The following SPATA9 variants were observed in gnomAD, a reference collection of about 807,000 sequenced individuals.
The protein encoded by SPATA9 is spermatogenesis associated 9.
In SPATA9, 27 loss-of-function variants were observed where a neutral mutation model predicts 25.5. The observed-to-expected ratio is 1.06, with a 90% CI of 0.78 to 1.46. The LOEUF (loss-of-function observed/expected upper bound fraction) is 1.46, where lower values mean the gene tolerates loss of function less well. SPATA9 is among the 40% of genes most tolerant of loss of function. The probability of loss-of-function intolerance (pLI) is 0.00; values close to 1 mark genes in which losing one functional copy is unlikely to be tolerated. For synonymous variants in SPATA9, 102 were observed against 105.7 expected (o/e 0.97, Z 0.21); for missense variants, 282 against 297.5 (o/e 0.95, Z 0.38).
downstream of SPATA9, chr5:95,655,809 T>G (rs1257141219): frequency 4.4e-6 from 2 of 454,044 alleles, no homozygotes; most frequent in African/African-American, 4.0e-5. Context: ...CATGGTTTAG[T>G]TGCCTGAGCA....
rs1406668742 is a variant in SPATA9, at chr5:95,653,224, T to C, written c.*448-15A>G. On this transcript the variant is annotated splice_polypyrimidine_tract_variant and intron_variant and NMD_transcript_variant, in intron 8 of 8. Transcript: ENST00000316087. ...CCAGTTTTTATCTGAGGTAAGAAAATGAAAGGTTTTCATTCATACCCACCT... is the reference window on the plus strand; with the variant it reads ...CCAGTTTTTATCTGAGGTAAGAAAACGAAAGGTTTTCATTCATACCCACCT... The C allele has an allele frequency of 7.7e-6, 12 of 1,551,474 alleles. No individual in the cohort carries two copies. In the Admixed American group the frequency reaches 9.8e-5, roughly 13 times the overall value.
chr5:95,683,598 C>T (rs1009440986), upstream of SPATA9, among the ~76,000 whole-genome samples: 3 of 152,098 alleles, frequency 2.0e-5, no homozygotes, highest in Non-Finnish European at 2.9e-5. Flanking sequence ...AGTGCAGTGG[C>T]GCGATCTTGG....
chr5:95,666,348 T>G (rs1450491290), intron 3 of SPATA9, among the ~76,000 whole-genome samples: 1 of 152,202 alleles, frequency 6.6e-6, no homozygotes, highest in African/African-American at 2.4e-5. Flanking sequence ...ATAGATGTAG[T>G]TAATTTCTAG....
At chr5:95,661,225 C>T (rs1025884983) in intron 4 of SPATA9, among the ~76,000 whole-genome samples, 2 of 152,032 alleles carry the variant, frequency 1.3e-5, no homozygotes, top group African/African-American at 4.8e-5. Context: ...TTCTTTCTGC[C>T]TTTCTGATTG....
upstream of SPATA9, among the ~76,000 whole-genome samples, chr5:95,701,786 G>A (rs1754183675): frequency 6.6e-6 from 1 of 152,164 alleles, no homozygotes; most frequent in African/African-American, 2.4e-5. Flanking sequence ...CTTTGTGAAA[G>A]TTGCCATGAG....
chr5:95,692,907 C>G (rs1753925913), intron 1 of SPATA9, among the ~76,000 whole-genome samples: 1 of 152,104 alleles, frequency 6.6e-6, no homozygotes, highest in Admixed American at 6.6e-5. Context: ...ACATATTACT[C>G]TAGTCAAATA....
At position 95,658,417 on chromosome 5, in the gene SPATA9, T is replaced by C. The variant is rs1197070193; in HGVS notation, c.*206A>G. The C allele has an allele frequency of 6.6e-6, 3 of 452,948 alleles. No homozygotes were observed. Among genetic ancestry groups the C allele is most frequent in the African/African-American group, 3.9e-5 (2 of 51,132 alleles). The allele number at this position is 452,948 out of a possible 1,614,324, so 28.1% of individuals were successfully genotyped here. ...GATTTTCTTGTTCATTAAAAGTATGTAGTCAGTACATATATTCCACATCAA... is the reference window on the plus strand; with the variant it reads ...GATTTTCTTGTTCATTAAAAGTATGCAGTCAGTACATATATTCCACATCAA... On this transcript the variant is annotated 3_prime_UTR_variant, in exon 5 of 5. Coordinates refer to ENST00000274432, the MANE Select transcript of SPATA9 (RefSeq NM_031952.4).
the SPATA9 span, chr5:95,730,898 T>C: frequency 2.2e-6 from 1 of 456,190 alleles, no homozygotes; most frequent in Admixed American, 2.3e-5. Context: ...GCAGACGTGG[T>C]AAAGCACTTT....
chr5:95,698,802 A>G (rs751610831), upstream of SPATA9: 2 of 152,224 alleles, frequency 1.3e-5, no homozygotes, highest in African/African-American at 4.8e-5. Flanking sequence ...CTCAATTACA[A>G]AAATAAAAAG....
At chr5:95,676,651 CCA>C (rs762465522) in intron 2 of SPATA9, among the ~76,000 whole-genome samples, 6 of 152,068 alleles carry the variant, frequency 3.9e-5, no homozygotes, top group Non-Finnish European at 8.8e-5. Flanking sequence ...AGTACAGCAC[CCA>C]GTCTATTATA....
Position 95,676,369 on chromosome 5 carries a change from A to G in SPATA9, c.151-730T>C, listed in dbSNP as rs576621461. ...TGCACCCATCACCCGAGCAGTGTACACTGTACCAAATGCACACTGAATTTT... is the reference window on the plus strand; with the variant it reads ...TGCACCCATCACCCGAGCAGTGTACGCTGTACCAAATGCACACTGAATTTT... On this transcript the variant is annotated intron_variant, in intron 2 of 4. Coordinates refer to ENST00000274432, the MANE Select transcript of SPATA9 (RefSeq NM_031952.4). Among the ~76,000 whole-genome samples the G allele has an allele frequency of 3.9e-5, 6 of 152,310 alleles. No individual in the cohort carries two copies. The South Asian group carries it at 1.2e-3, about 32-fold the overall frequency.
downstream of SPATA9, chr5:95,656,418 T>G (rs1750766015): frequency 2.5e-6 from 2 of 795,708 alleles, no homozygotes; most frequent in Non-Finnish European, 4.0e-6. Context: ...GCACAACTGT[T>G]TAAAATTCAC....
chr5:95,674,937 G>T (rs1752779414), intron 3 of SPATA9: 1 of 342,902 alleles, frequency 2.9e-6, no homozygotes, highest in Non-Finnish European at 5.7e-6. Context: ...TAGAAAGCAA[G>T]AAATTGATTC....
At chr5:95,700,365 T>C (rs924815347), upstream of SPATA9, among the ~76,000 whole-genome samples, 3 of 152,050 alleles carry the variant, frequency 2.0e-5, no homozygotes, top group African/African-American at 4.8e-5. Context: ...AGTGATGCAA[T>C]CTCAGCTCAT....
chr5:95,718,418 G>A, the SPATA9 span, among the ~76,000 whole-genome samples: 6 of 152,190 alleles, frequency 3.9e-5, no homozygotes, highest in East Asian at 1.9e-4. Flanking sequence ...AGTAAAGAAC[G>A]GATGTGGCTA....
chr5:95,668,464 C>G (rs1752039133), intron 3 of SPATA9, among the ~76,000 whole-genome samples: 1 of 152,098 alleles, frequency 6.6e-6, no homozygotes, highest in African/African-American at 2.4e-5. Context: ...CATGCTGTTT[C>G]ATTTTTGTCT....
chr5:95,682,596 T>C lies in SPATA9; in HGVS notation c.82A>G (p.Ile28Val), dbSNP rs1340350394. 5.0e-6 allele frequency: 8 copies of C among 1,613,704 alleles called. No individual in the cohort carries two copies. The highest frequency in any genetic ancestry group is 4.4e-5 in the South Asian group (4 of 90,944). ...TTAAACTCATCTACAAGGTCCATGA[T>C]TGCTTTCTGGATCCCCTCGACTAAG... ...SGRIEGIQKA[I>V]MDLVDEFKDE... Residue 28 changes from isoleucine to valine, a missense_variant, in exon 2 of 5, where the codon ATC (isoleucine) becomes GTC (valine). Ile to Val is a conservative substitution (Grantham distance 29). Coordinates refer to ENST00000274432, the MANE Select transcript of SPATA9 (RefSeq NM_031952.4).
intron 3 of SPATA9, chr5:95,674,891 C>A: frequency 2.6e-6 from 1 of 391,236 alleles, no homozygotes; most frequent in Non-Finnish European, 5.0e-6. Context: ...GTATAATGCC[C>A]AAATTGAAAA....
the SPATA9 span, chr5:95,731,736 G>A: frequency 2.5e-6 from 4 of 1,611,804 alleles, no homozygotes; most frequent in Non-Finnish European, 3.4e-6. Flanking sequence ...CGTGCCGTGC[G>A]CCCCAGGGAC....
Sources: allele counts gnomAD v4.1 joint callset (sites outside exome capture counted in the v4.1 genomes callset), GRCh38; gene constraint gnomAD v4.1.1; transcripts MANE v1.5; gene names NCBI Gene and HGNC (gene_info 2026-07-23, HGNC 2026-07-21).